The following ROBO2 variants were observed in gnomAD, a reference collection of about 807,000 sequenced individuals.
ROBO2 encodes the protein roundabout homolog 2.
Under a neutral mutation model 160.8 loss-of-function variants are expected in ROBO2, and 53 were observed. The ratio of observed to expected loss-of-function variants is 0.33; its 90% CI spans 0.26 to 0.41. The LOEUF (loss-of-function observed/expected upper bound fraction) is 0.41, where lower values mean the gene tolerates loss of function less well. Among genes scored for constraint, ROBO2 ranks in the 10% least tolerant of loss-of-function variants. The pLI is 1.00. For synonymous variants in ROBO2, 664 were observed against 611.7 expected (o/e 1.09, Z -1.26); for missense variants, 1,577 against 1,722.4 (o/e 0.92, Z 1.49).
intron 2 of ROBO2, among the ~76,000 whole-genome samples, chr3:77,218,029 CA>C (rs1413810683): frequency 6.6e-6 from 1 of 152,108 alleles, no homozygotes; most frequent in Non-Finnish European, 1.5e-5. Flanking sequence ...TTTAAATCTC[CA>C]AAAAGAGATT....
intron 9 of ROBO2, among the ~76,000 whole-genome samples, chr3:77,561,643 AAG>A (rs1036810621): frequency 2.0e-5 from 3 of 152,274 alleles, no homozygotes; most frequent in Admixed American, 6.5e-5. Flanking sequence ...GTGATCAAAA[AAG>A]AGTTATGAAT....
At chr3:76,733,336 G>T (rs774597) in intron 2 of ROBO2, among the ~76,000 whole-genome samples, 2 of 152,020 alleles carry the variant, frequency 1.3e-5, no homozygotes, top group African/African-American at 2.4e-5. Context: ...GACTCTCAGG[G>T]ATATTCCTGT....
intron 19 of ROBO2, among the ~76,000 whole-genome samples, chr3:77,599,904 G>A (rs190188724): frequency 6.6e-6 from 1 of 152,224 alleles, no homozygotes; most frequent in Non-Finnish European, 1.5e-5. Context: ...AAATGACTTC[G>A]TGATACAGTG....
At chr3:76,188,350 AG>A (rs1191518948) in intron 2 of ROBO2, among the ~76,000 whole-genome samples, 1 of 152,118 alleles carries the variant, frequency 6.6e-6, no homozygotes, top group East Asian at 1.9e-4. Flanking sequence ...ACAGAAAAAA[AG>A]ATGAAGATGA....
intron 2 of ROBO2, among the ~76,000 whole-genome samples, chr3:76,664,620 T>A (rs977573214): frequency 7.2e-5 from 11 of 152,180 alleles, no homozygotes. Context: ...AGGTTAAGAA[T>A]TTTAAAAAGC....
At chr3:76,958,130 A>G (rs1160999939) in intron 2 of ROBO2, among the ~76,000 whole-genome samples, 1 of 152,242 alleles carries the variant, frequency 6.6e-6, no homozygotes, top group East Asian at 1.9e-4. Flanking sequence ...GGTGAAATAA[A>G]TATTCCAGAC....
chr3:76,690,315 T>G (rs1297392080), intron 2 of ROBO2, among the ~76,000 whole-genome samples: 1 of 152,024 alleles, frequency 6.6e-6, no homozygotes, highest in Non-Finnish European at 1.5e-5. Flanking sequence ...TAATCACCAA[T>G]GTTATCGTAT....
intron 2 of ROBO2, among the ~76,000 whole-genome samples, chr3:77,300,588 T>C (rs908600140): frequency 1.3e-5 from 2 of 152,058 alleles, no homozygotes; most frequent in Non-Finnish European, 2.9e-5. Flanking sequence ...AAAAAATAAA[T>C]TGTTGATAAG....
intron 2 of ROBO2, among the ~76,000 whole-genome samples, chr3:76,881,292 A>C (rs1239146256): frequency 2.0e-5 from 3 of 152,192 alleles, no homozygotes; most frequent in Non-Finnish European, 4.4e-5. Context: ...AGGATATTAA[A>C]ATCAAAGAAG....
intron 2 of ROBO2, among the ~76,000 whole-genome samples, chr3:76,217,765 C>G (rs1703657760): frequency 6.6e-6 from 1 of 152,108 alleles, no homozygotes; most frequent in South Asian, 2.1e-4. Context: ...CCTTCTGAAA[C>G]TATTCCAATC....
intron 2 of ROBO2, among the ~76,000 whole-genome samples, chr3:76,947,563 C>G (rs2078642420): frequency 6.6e-6 from 1 of 151,988 alleles, no homozygotes; most frequent in Non-Finnish European, 1.5e-5. Context: ...CTGTTTTTTT[C>G]TTAGTTAACA....
chr3:77,107,792 T>C lies in ROBO2; in HGVS notation c.388+9452T>C, dbSNP rs537362988. Among the ~76,000 whole-genome samples the C allele has an allele frequency of 3.9e-5, 6 of 152,154 alleles. No individual in the cohort carries two copies. In the South Asian group the frequency reaches 1.3e-3, roughly 32 times the overall value. On this transcript the variant is annotated intron_variant, in intron 2 of 25. Transcript: ENST00000461745. ...AAAGGCAAGCATCACATTTTTTGTGTGTGATTATCTAACATTTAAGTCTGA... is the reference window on the plus strand; with the variant it reads ...AAAGGCAAGCATCACATTTTTTGTGCGTGATTATCTAACATTTAAGTCTGA...
At chr3:77,557,584 GTGAC>G in intron 8 of ROBO2, among the ~76,000 whole-genome samples, 1 of 149,676 alleles carries the variant, frequency 6.7e-6, no homozygotes, top group South Asian at 2.1e-4. Context: ...CATTTCATAG[GTGAC>G]TGACTGCCAT....
At chr3:76,351,303 A>G (rs2074859759) in intron 2 of ROBO2, among the ~76,000 whole-genome samples, 1 of 151,982 alleles carries the variant, frequency 6.6e-6, no homozygotes, top group African/African-American at 2.4e-5. Context: ...CTGAATTCTT[A>G]CTTTTTTTAT....
intron 2 of ROBO2, chr3:76,434,443 G>A: frequency 1.9e-6 from 3 of 1,555,126 alleles, no homozygotes; most frequent in East Asian, 2.2e-5. Flanking sequence ...TGGCCCCCAA[G>A]CCTGGCACTT....
intron 2 of ROBO2, among the ~76,000 whole-genome samples, chr3:76,383,320 C>T (rs2076726763): frequency 6.6e-6 from 1 of 152,074 alleles, no homozygotes; most frequent in Admixed American, 6.5e-5. Flanking sequence ...AGAATATATT[C>T]AGTAGTGACT....
chr3:76,925,575 A>T, intron 2 of ROBO2, among the ~76,000 whole-genome samples: 1 of 152,200 alleles, frequency 6.6e-6, no homozygotes, highest in East Asian at 1.9e-4. Flanking sequence ...AAGTGTCTAT[A>T]ATTGACTAAA....
chr3:75,997,643 C>T (rs1377722338), intron 2 of ROBO2, among the ~76,000 whole-genome samples: 1 of 152,056 alleles, frequency 6.6e-6, no homozygotes, highest in African/African-American at 2.4e-5. Context: ...AGGCGCCCGC[C>T]ACCATGCCTG....
At chr3:76,761,292 A>C (rs1030536415) in intron 2 of ROBO2, among the ~76,000 whole-genome samples, 21 of 151,782 alleles carry the variant, frequency 1.4e-4, no homozygotes, top group Non-Finnish European at 2.9e-4. Context: ...AGTTCAGATT[A>C]GGCTCAGCTC....
Sources: gnomAD v4.1 joint callset for allele counts (sites outside exome capture counted in the v4.1 genomes callset) on GRCh38, gnomAD v4.1.1 for gene constraint, MANE v1.5 for transcripts, NCBI Gene and HGNC (gene_info 2026-07-23, HGNC 2026-07-21) for gene names.